The following NEXMIF variants were observed in gnomAD, a reference collection of about 807,000 sequenced individuals.
NEXMIF encodes the protein XLMR protein related to neurite extension.
NEXMIF carries 8 observed loss-of-function variants against 62.1 expected under a neutral mutation model. That is an observed-to-expected ratio of 0.13 (90% CI 0.08 to 0.23). The LOEUF (loss-of-function observed/expected upper bound fraction) is 0.23. Ranked by LOEUF, NEXMIF falls within the 10% of genes least tolerant of loss-of-function variation. NEXMIF has a pLI of 1.00. For synonymous variants in NEXMIF, 404 were observed against 416.6 expected, an observed-to-expected ratio of 0.97 and a Z score of 0.37; for missense variants, 976 against 1,113.3, an observed-to-expected ratio of 0.88 and a Z score of 1.75.
At chrX:74,744,694 G>A (rs1004289276) in intron 2 of NEXMIF, among the ~76,000 whole-genome samples, 2 of 111,717 alleles carry the variant, frequency 1.8e-5, no homozygotes, top group African/African-American at 6.5e-5. Context: ...TATTTAGGCC[G>A]AGTTTCTTCC....
intron 1 of NEXMIF, among the ~76,000 whole-genome samples, chrX:74,800,435 T>G (rs745870474): frequency 1.8e-5 from 2 of 111,430 alleles, no homozygotes; most frequent in Admixed American, 1.9e-4. Context: ...CTTTAAAAAT[T>G]ACGCATAGTA....
At chrX:74,817,498 T>A (rs2080379832) in intron 1 of NEXMIF, among the ~76,000 whole-genome samples, 1 of 112,083 alleles carries the variant, frequency 8.9e-6, no homozygotes, top group African/African-American at 3.2e-5. Context: ...ACCTTAATAA[T>A]CATCTAAACT....
rs72437199 is a variant in NEXMIF at position 74,796,303 on chromosome X, T to TACAC, written c.-47-50610_-47-50607dup. ...ATATATTATATATATTATATATATA[T>TACAC]ACACACACACACACAATGGATAGAC... is the stretch of plus-strand genomic sequence containing the variant. On this transcript the variant is annotated intron_variant, in intron 1 of 3. Transcript: ENST00000055682. Among the ~76,000 whole-genome samples, 56 of 65,165 alleles carry TACAC rather than the reference T, an allele frequency of 8.6e-4. 1 individual carries two copies. The highest frequency in any genetic ancestry group is 1.9e-3 in the African/African-American group (32 of 16,582). The allele number at this position is 65,165 out of a possible 115,157, so 56.6% of individuals were successfully genotyped here. A position where few individuals can be genotyped will look rare whatever the true frequency, so the allele number is the denominator to read the frequency against.
intron 1 of NEXMIF, among the ~76,000 whole-genome samples, chrX:74,839,723 T>C (rs1207812512): frequency 1.8e-5 from 2 of 112,458 alleles, no homozygotes; most frequent in Non-Finnish European, 3.8e-5. Context: ...GCTCCATCCA[T>C]GTTCCCACAA....
intron 1 of NEXMIF, among the ~76,000 whole-genome samples, chrX:74,855,395 G>C (rs1341057311): frequency 8.9e-6 from 1 of 112,200 alleles, no homozygotes; most frequent in African/African-American, 3.2e-5. Flanking sequence ...TATCCCTCCA[G>C]TGGCATTTGC....
At chrX:74,795,024 G>A (rs576182429) in intron 1 of NEXMIF, among the ~76,000 whole-genome samples, 32 of 111,664 alleles carry the variant, frequency 2.9e-4, no homozygotes, top group Non-Finnish European at 5.6e-4. Flanking sequence ...TCTATTTTCC[G>A]TCCACATGGA....
intron 1 of NEXMIF, among the ~76,000 whole-genome samples, chrX:74,811,225 C>T (rs2080359434): frequency 9.0e-6 from 1 of 111,713 alleles, no homozygotes; most frequent in African/African-American, 3.3e-5. Flanking sequence ...TTTGTATATA[C>T]AATGAAGTTT....
chrX:74,790,014 C>T (rs968460847), intron 1 of NEXMIF, among the ~76,000 whole-genome samples: 7 of 97,149 alleles, frequency 7.2e-5, no homozygotes, highest in Admixed American at 3.5e-4. Context: ...CTTTTGTTGC[C>T]ATTGCTTTTG....
At chrX:74,816,700 T>C (rs2080377133) in intron 1 of NEXMIF, among the ~76,000 whole-genome samples, 2 of 111,904 alleles carry the variant, frequency 1.8e-5, no homozygotes, top group South Asian at 7.5e-4. Context: ...ATCTCATCAG[T>C]AAACATAGAT....
At chrX:74,788,815 T>C (rs1192456095) in intron 1 of NEXMIF, among the ~76,000 whole-genome samples, 1 of 109,554 alleles carries the variant, frequency 9.1e-6, no homozygotes, top group East Asian at 2.9e-4. Flanking sequence ...GGGAAGGGGG[T>C]AGAGTGATAT....
intron 1 of NEXMIF, among the ~76,000 whole-genome samples, chrX:74,910,721 C>G (rs981362490): frequency 1.5e-4 from 17 of 111,916 alleles, no homozygotes; most frequent in African/African-American, 4.9e-4. Context: ...TTCCCTCATG[C>G]TGTGGGAGGG....
At position 74,875,669 on chromosome X, in the gene NEXMIF, C is replaced by A. The variant is rs774170517; in HGVS notation, c.-48+49214G>T. On this transcript the variant is annotated intron_variant, in intron 1 of 3. Coordinates refer to ENST00000055682, the MANE Select transcript of NEXMIF (RefSeq NM_001008537.3). ...AGCTATTGATTATTGCTACAATTTC[C>A]GAGCGTGTTATTGGTCTATTCAGAG... is the stretch of plus-strand genomic sequence containing the variant. Among the ~76,000 whole-genome samples, 6 of 111,444 alleles carry A rather than the reference C, an allele frequency of 5.4e-5. No homozygotes were observed. In the East Asian group the frequency reaches 1.7e-3, roughly 31 times the overall value.
chrX:74,794,082 C>T (rs2080296369), intron 1 of NEXMIF, among the ~76,000 whole-genome samples: 1 of 98,616 alleles, frequency 1.0e-5, no homozygotes, highest in African/African-American at 3.6e-5. Flanking sequence ...TTTTTCTGTT[C>T]TGTTTTTTCC....
intron 1 of NEXMIF, among the ~76,000 whole-genome samples, chrX:74,869,171 T>G (rs985586833): frequency 3.6e-5 from 4 of 112,035 alleles, no homozygotes; most frequent in Non-Finnish European, 7.5e-5. Context: ...GTTCAACATA[T>G]GCAAATCAAT....
intron 1 of NEXMIF, among the ~76,000 whole-genome samples, chrX:74,789,010 G>A (rs1238230907): frequency 5.5e-5 from 6 of 108,500 alleles, no homozygotes; most frequent in African/African-American, 1.7e-4. Flanking sequence ...AAGTTTTAGG[G>A]TACATGTGCA....
chrX:74,807,704 T>C (rs1394436674), intron 1 of NEXMIF, among the ~76,000 whole-genome samples: 1 of 111,788 alleles, frequency 8.9e-6, no homozygotes, highest in Non-Finnish European at 1.9e-5. Flanking sequence ...CTCAAGTGAT[T>C]CTTCCACCTT....
intron 1 of NEXMIF, among the ~76,000 whole-genome samples, chrX:74,855,704 A>T (rs1173083196): frequency 8.9e-6 from 1 of 112,115 alleles, no homozygotes; most frequent in African/African-American, 3.2e-5. Flanking sequence ...AAAGCTGTCA[A>T]CTACCTGCCT....
intron 1 of NEXMIF, among the ~76,000 whole-genome samples, chrX:74,781,739 A>AGCCTTAGGTGTATG: frequency 2.5e-4 from 23 of 93,110 alleles, no homozygotes; most frequent in South Asian, 5.3e-4. Context: ...TGTATGTGAA[A>AGCCTTAGGTGTATG]TTTATACTAA....
chrX:74,785,737 G>C (rs773672889), intron 1 of NEXMIF, among the ~76,000 whole-genome samples: 1 of 112,102 alleles, frequency 8.9e-6, no homozygotes, highest in South Asian at 3.7e-4. Flanking sequence ...CATTATTAGG[G>C]TAAAGATGAA....
Sources: allele counts gnomAD v4.1 joint callset (sites outside exome capture counted in the v4.1 genomes callset), GRCh38; gene constraint gnomAD v4.1.1; transcripts MANE v1.5; gene names NCBI Gene and HGNC (gene_info 2026-07-23, HGNC 2026-07-21).